Variants in CAPZB observed in about 807,000 individuals in gnomAD.
CAPZB encodes the protein F-actin-capping protein subunit beta.
CAPZB carries 2 observed loss-of-function variants against 38.1 expected under a neutral mutation model. The ratio of observed to expected loss-of-function variants is 0.05; its 90% confidence interval spans 0.02 to 0.17. The LOEUF is 0.17. CAPZB is among the 10% of genes least tolerant of loss of function. The pLI, the probability that CAPZB is intolerant of heterozygous loss-of-function variation, is 1.00. For missense variants in CAPZB, 161 were observed against 334.2 expected, an observed-to-expected ratio of 0.48 and a Z score of 4.04; for synonymous variants, 107 against 127.4, an observed-to-expected ratio of 0.84 and a Z score of 1.08.
chr1:19,483,943 G>A (rs1188054719), intron 1 of CAPZB, among the ~76,000 whole-genome samples: 1 of 152,186 alleles, frequency 6.6e-6, no homozygotes, highest in Non-Finnish European at 1.5e-5. Flanking sequence ...AAAACACTTT[G>A]AGGCCCAAAG....
intron 4 of CAPZB, among the ~76,000 whole-genome samples, chr1:19,366,055 C>G (rs1431555164): frequency 1.3e-5 from 2 of 151,346 alleles, no homozygotes; most frequent in African/African-American, 4.9e-5. Context: ...TAAGATTCCA[C>G]GAGTCTTTCT....
chr1:19,395,719 T>C (rs759490521), intron 2 of CAPZB, among the ~76,000 whole-genome samples: 11 of 152,138 alleles, frequency 7.2e-5, no homozygotes, highest in Non-Finnish European at 1.3e-4. Context: ...ACACAACCCA[T>C]CACCTGTGTG....
intron 6 of CAPZB, among the ~76,000 whole-genome samples, chr1:19,355,562 G>T (rs2094016537): frequency 6.6e-6 from 1 of 151,932 alleles, no homozygotes; most frequent in Non-Finnish European, 1.5e-5. Context: ...CACAGCTATT[G>T]AGAGCATAAT....
At chr1:19,416,519 G>C (rs1216257985) in intron 2 of CAPZB, among the ~76,000 whole-genome samples, 2 of 152,038 alleles carry the variant, frequency 1.3e-5, no homozygotes, top group East Asian at 3.8e-4. Context: ...CTTAGTCCTG[G>C]GCACACGGCA....
At chr1:19,442,034 G>A (rs1264085194) in intron 1 of CAPZB, among the ~76,000 whole-genome samples, 4 of 134,806 alleles carry the variant, frequency 3.0e-5, no homozygotes, top group African/African-American at 1.1e-4. Flanking sequence ...AAAAAGCACA[G>A]GAGAGGTATC....
chr1:19,483,057 C>T (rs191902047), intron 1 of CAPZB, among the ~76,000 whole-genome samples: 1 of 152,316 alleles, frequency 6.6e-6, no homozygotes, highest in East Asian at 1.9e-4. Flanking sequence ...CTAGGCCCCA[C>T]GGATACAGCT....
intron 1 of CAPZB, among the ~76,000 whole-genome samples, chr1:19,423,231 C>T (rs975402148): frequency 6.6e-6 from 1 of 152,198 alleles, no homozygotes; most frequent in Non-Finnish European, 1.5e-5. Flanking sequence ...CTAAATGCTT[C>T]CCATAAGTGA....
intron 1 of CAPZB, among the ~76,000 whole-genome samples, chr1:19,455,468 G>A (rs1336968736): frequency 6.6e-6 from 1 of 152,172 alleles, no homozygotes; most frequent in Non-Finnish European, 1.5e-5. Flanking sequence ...GTCCCCACTG[G>A]CCTCATTAAG....
In CAPZB at chr1:19,353,622, C is replaced by CT. The variant is rs1322493228; in HGVS notation, c.588+3012dup. Among the ~76,000 whole-genome samples, 9 of 152,268 alleles carry CT rather than the reference C, an allele frequency of 5.9e-5. No individual in the cohort carries two copies. In the South Asian group the frequency reaches 1.5e-3, roughly 25 times the overall value. ...TCTCTCTCCTTGATGACTGTAACAGCTTCCCCCTGACCACCCATCCCCCAA... is the reference window on the plus strand; with the variant it reads ...TCTCTCTCCTTGATGACTGTAACAGCTTTCCCCCTGACCACCCATCCCCCAA... On this transcript the variant is annotated intron_variant, in intron 6 of 8. Transcript: ENST00000264202.
chr1:19,351,468 T>A (rs764645957), intron 6 of CAPZB, among the ~76,000 whole-genome samples: 3 of 152,110 alleles, frequency 2.0e-5, no homozygotes, highest in Non-Finnish European at 2.9e-5. Context: ...CCTACCCAGA[T>A]AACTTTTTGT....
chr1:19,452,383 C>A (rs981001792), intron 1 of CAPZB, among the ~76,000 whole-genome samples: 1 of 152,192 alleles, frequency 6.6e-6, no homozygotes, highest in Admixed American at 6.5e-5. Flanking sequence ...TGTTCTTGGT[C>A]GCCTCTGTAC....
At chr1:19,379,274 T>C (rs1207384079) in intron 3 of CAPZB, among the ~76,000 whole-genome samples, 3 of 152,060 alleles carry the variant, frequency 2.0e-5, no homozygotes, top group Non-Finnish European at 4.4e-5. Context: ...AATTTTTGTA[T>C]TTTTAGTAGA....
At chr1:19,371,967 C>G (rs1402064070) in intron 4 of CAPZB, among the ~76,000 whole-genome samples, 1 of 152,238 alleles carries the variant, frequency 6.6e-6, no homozygotes, top group Non-Finnish European at 1.5e-5. Flanking sequence ...GCTGGGGAGC[C>G]CAGGCCGGGG....
At chr1:19,351,076 G>T (rs550773549) in intron 6 of CAPZB, among the ~76,000 whole-genome samples, 1 of 151,046 alleles carries the variant, frequency 6.6e-6, no homozygotes, top group East Asian at 2.0e-4. Context: ...TCTGCCTCCC[G>T]GGTTCAAGTG....
chr1:19,347,173 C>CT (rs2093966737), intron 6 of CAPZB, among the ~76,000 whole-genome samples: 1 of 151,998 alleles, frequency 6.6e-6, no homozygotes, highest in Non-Finnish European at 1.5e-5. Flanking sequence ...GAAGAATGGC[C>CT]TCTGCAAGGA....
rs768763357 is a variant in CAPZB at position 19,356,802 on chromosome 1, C to G, written c.472-51G>C. The stretch of plus-strand genomic sequence containing the variant: ...TGAGCTGAGGGAGAGCCTGAAGTGG[C>G]CCCTGGAATTCAGGGTCATCCTAAC... On this transcript the variant is annotated intron_variant, in intron 5 of 8. Coordinates refer to ENST00000264202, the MANE Select transcript of CAPZB (RefSeq NM_004930.5). The surrounding 1 kb of genome is among the most constrained non-coding windows in gnomAD (Gnocchi z 4.3). 8.0e-7 allele frequency: 1 copy of G among 1,242,642 alleles called. No homozygotes were observed. Among genetic ancestry groups the G allele is most frequent in the Non-Finnish European group, 1.2e-6 (1 of 849,068 alleles). The allele number at this position is 1,242,642 out of a possible 1,614,324, so 77.0% of individuals were successfully genotyped here.
chr1:19,474,392 G>C (rs1329337439), intron 1 of CAPZB, among the ~76,000 whole-genome samples: 1 of 152,202 alleles, frequency 6.6e-6, no homozygotes, highest in African/African-American at 2.4e-5. Flanking sequence ...GAGACATGAA[G>C]TGACTAGGTT....
At chr1:19,471,671 T>G (rs1050105760) in intron 1 of CAPZB, among the ~76,000 whole-genome samples, 2 of 152,088 alleles carry the variant, frequency 1.3e-5, no homozygotes, top group Admixed American at 1.3e-4. Flanking sequence ...AAGACCATCC[T>G]GGCTAACACG....
At chr1:19,358,900 G>A (rs920354663) in intron 4 of CAPZB, among the ~76,000 whole-genome samples, 1 of 152,200 alleles carries the variant, frequency 6.6e-6, no homozygotes, top group African/African-American at 2.4e-5. Context: ...ACAGGCTTGG[G>A]AGTCAGACAG....
Sources: gnomAD v4.1 joint callset for allele counts (sites outside exome capture counted in the v4.1 genomes callset) on GRCh38, gnomAD v4.1.1 for gene constraint, Gnocchi (gnomAD v3.1) non-coding constraint, MANE v1.5 for transcripts, NCBI Gene and HGNC (gene_info 2026-07-23, HGNC 2026-07-21) for gene names.